HDAC5: variants seen among roughly 807,000 people sequenced by gnomAD.
The protein encoded by HDAC5 is histone deacetylase 5, also known as antigen NY-CO-9.
A neutral mutation model predicts 133.3 loss-of-function variants in HDAC5; 25 were observed. That is an observed-to-expected ratio of 0.19 (90% CI 0.14 to 0.26). The LOEUF is 0.26. Ranked by LOEUF, HDAC5 falls within the 10% of genes least tolerant of loss-of-function variation. The pLI, the probability that HDAC5 is intolerant of heterozygous loss-of-function variation, is 1.00. For missense variants in HDAC5, 1,041 were observed against 1,460.5 expected (o/e 0.71, Z 4.68); for synonymous variants, 589 against 610.8 (o/e 0.96, Z 0.53).
chr17:44,082,592 A>G lies in HDAC5; in HGVS notation c.2600T>C (p.Val867Ala). 6.2e-7 allele frequency: 1 copy of G among 1,613,512 alleles called. No individual in the cohort carries two copies. Among genetic ancestry groups the G allele is most frequent in the Non-Finnish European group, 8.5e-7 (1 of 1,179,418 alleles). The change falls in exon 20 of 27, where the codon GTG becomes GCG. Residue 867 changes from valine to alanine, a missense_variant. Transcript: ENST00000682912. ...CACCAGCTCACTGCCTACCCAGTCC[A>G]CGATGAGGACCTTGCCCACGTTCAA... ...QKLNVGKVLI[V>A]DWDIHHGNGT...
intron 1 of HDAC5, among the ~76,000 whole-genome samples, chr17:44,122,325 G>A (rs1939047981): frequency 6.6e-6 from 1 of 152,034 alleles, no homozygotes; most frequent in Admixed American, 6.6e-5. Context: ...AATCTGGCTA[G>A]GGGTCCCTCT....
At chr17:44,088,225 C>T (rs1206869926) in intron 12 of HDAC5, among the ~76,000 whole-genome samples, 162 bp downstream of exon 12, 1 of 152,178 alleles carries the variant, frequency 6.6e-6, no homozygotes, top group Non-Finnish European at 1.5e-5. Context: ...GTTGGCCAGG[C>T]TGGTCTCGAA....
At position 44,087,594 on chromosome 17, in the gene HDAC5, C is replaced by A. The variant is rs771064782; in HGVS notation, c.1702G>T (p.Ala568Ser). The A allele has an allele frequency of 2.5e-6, 4 of 1,614,104 alleles. 1 individual carries two copies. In the South Asian group the frequency reaches 4.4e-5, roughly 18 times the overall value. The change falls in exon 13 of 27, where the codon GCC becomes TCC. Residue 568 changes from alanine to serine, a missense_variant. Ala to Ser is a moderately conservative substitution (Grantham distance 99). Around this residue, in one of 9 missense-constraint regions of HDAC5, gnomAD observed 433 missense variants for 531.6 expected, o/e 0.81. Transcript: ENST00000682912. ...EQQEVLLGEG[A>S]LTMPREGSTE... ...GAGCCCTCCCGGGGCATGGTCAGGG[C>A]TCCCTCCCCCAGCAAGACCTCCTGC...
Position 44,093,695 on chromosome 17 carries a change from C to T in HDAC5, c.234G>A (p.Gln78=), listed in dbSNP as rs536845777. The change falls in exon 4 of 27, where the codon CAG becomes CAA. Residue 78 remains glutamine (Q), a synonymous_variant. Transcript: ENST00000682912. ...DPTLREQQLQ[Q]ELLALKQQQQ... The stretch of plus-strand genomic sequence containing the variant: ...GCTGCTGCTTGAGCGCCAGGAGCTC[C>T]TGCTGCAGTTGCTGCTCCCGCAGTG... The T allele has an allele frequency of 1.2e-6, 2 of 1,608,232 alleles. No homozygotes were observed. Among genetic ancestry groups the T allele is most frequent in the South Asian group, 1.1e-5 (1 of 90,180 alleles).
chr17:44,098,564 C>T (rs1312592845), intron 3 of HDAC5, among the ~76,000 whole-genome samples: 2 of 151,112 alleles, frequency 1.3e-5, no homozygotes, highest in African/African-American at 4.9e-5. Flanking sequence ...CATGGCAAAA[C>T]CCCATCTCTA....
At chr17:44,086,823 C>T (rs922971222) in intron 13 of HDAC5, 86 bp from the exon 14 acceptor site, 47 of 992,886 alleles carry the variant, frequency 4.7e-5, no homozygotes, top group Non-Finnish European at 5.7e-5. Context: ...CCAGTGGGGC[C>T]CCAATCCAGC....
rs1198117161 is a variant in HDAC5 at position 44,117,750 on chromosome 17, TGA to T, written c.-189-48_-189-47del. The T allele has an allele frequency of 1.8e-5, 11 of 600,160 alleles. No individual in the cohort carries two copies. The highest frequency in any genetic ancestry group is 3.0e-5 in the Non-Finnish European group (10 of 335,036). 37.2% of individuals were successfully genotyped at this position (600,160 alleles called of 1,614,324 possible). A position where few individuals can be genotyped will look rare whatever the true frequency, so the allele number is the denominator to read the frequency against. On this transcript the variant is annotated intron_variant, in intron 1 of 26. Transcript: ENST00000682912. This position sits in a 1 kb window ranked among gnomAD's most constrained non-coding sequence, Gnocchi z 4.2. ...GTTAGAGGCCCCTAACTCAGGAATCTGAGAGTCGAAGGAGACCTTGGAGCTCA... is the reference window on the plus strand; with the variant it reads ...GTTAGAGGCCCCTAACTCAGGAATCTGAGTCGAAGGAGACCTTGGAGCTCA...
In HDAC5 at chr17:44,088,333, C is replaced by T. The variant is rs933325858; in HGVS notation, c.1599+54G>A. The T allele has an allele frequency of 7.2e-6, 11 of 1,527,584 alleles. No homozygotes were observed. In the Middle Eastern group the frequency reaches 1.2e-3, roughly 161 times the overall value. The allele number at this position is 1,527,584 out of a possible 1,614,324, so 94.6% of individuals were successfully genotyped here. A position where few individuals can be genotyped will look rare whatever the true frequency, so the allele number is the denominator to read the frequency against. On this transcript the variant is annotated intron_variant, in intron 12 of 26. Transcript: ENST00000682912. ...AGGACTTTTCTGCCAGCCTGGTACT[C>T]TCCTGTGTCCTGCCCCCACCACAGC...
chr17:44,110,667 G>T, intron 3 of HDAC5, 62 bp downstream of exon 3: 1 of 1,345,840 alleles, frequency 7.4e-7, no homozygotes, highest in Non-Finnish European at 1.1e-6. Context: ...AGGGCCAGAT[G>T]CTCAGCCCAG....
rs7220923 is a variant in HDAC5, at chr17:44,114,442, G to T, written c.22+3052C>A. 2.7e-3 allele frequency among the ~76,000 whole-genome samples: 408 copies of T among 152,104 alleles called. 1 individual carries two copies. The highest frequency in any genetic ancestry group is 7.8e-3 in the African/African-American group (324 of 41,540). ...GGTCACCCAGAGAGCAGGCGTGGGGGGGGGGGGCTGCTGCCCTCCATCCTG... is the reference window on the plus strand; with the variant it reads ...GGTCACCCAGAGAGCAGGCGTGGGGTGGGGGGGCTGCTGCCCTCCATCCTG... On this transcript the variant is annotated intron_variant, in intron 2 of 26. Coordinates refer to ENST00000682912, the MANE Select transcript of HDAC5 (RefSeq NM_005474.5).
intron 1 of HDAC5, among the ~76,000 whole-genome samples, chr17:44,118,013 T>A (rs2052754884): frequency 6.6e-6 from 1 of 152,192 alleles, no homozygotes; most frequent in Non-Finnish European, 1.5e-5. Context: ...GCCATGGGAC[T>A]AGGTGTGCAC....
intron 3 of HDAC5, among the ~76,000 whole-genome samples, chr17:44,100,585 A>T (rs1197031743): frequency 7.1e-6 from 1 of 140,612 alleles, no homozygotes; most frequent in South Asian, 2.1e-4. Context: ...ATACAAAAAA[A>T]AAAAAAAAAA....
In HDAC5 at chr17:44,117,162, G is replaced by C. The variant is rs981370721; in HGVS notation, c.22+332C>G. 1.3e-5 allele frequency among the ~76,000 whole-genome samples: 2 copies of C among 152,220 alleles called. No individual in the cohort carries two copies. Among genetic ancestry groups the C allele is most frequent in the Non-Finnish European group, 2.9e-5 (2 of 68,038 alleles). ...CTCCAACATCATCCCAGACTGCCCA[G>C]AGAGATTAAGGGATACACACTGCCC... On this transcript the variant is annotated intron_variant, in intron 2 of 26. Coordinates refer to ENST00000682912, the MANE Select transcript of HDAC5 (RefSeq NM_005474.5). The surrounding 1 kb of genome is among the most constrained non-coding windows in gnomAD (Gnocchi z 4.2).
At chr17:44,109,031 G>A (rs1348434881) in intron 3 of HDAC5, among the ~76,000 whole-genome samples, 1 of 152,156 alleles carries the variant, frequency 6.6e-6, no homozygotes, top group East Asian at 1.9e-4. Context: ...GCTTAGGGAG[G>A]AGATGAGAGA....
intron 3 of HDAC5, among the ~76,000 whole-genome samples, chr17:44,107,656 T>C (rs1017061239): frequency 1.3e-5 from 2 of 149,840 alleles, no homozygotes; most frequent in African/African-American, 4.9e-5. Context: ...GATAGCCTTG[T>C]CACTCAGTGC....
chr17:44,112,742 G>C (rs1345731990), intron 2 of HDAC5, among the ~76,000 whole-genome samples: 1 of 152,224 alleles, frequency 6.6e-6, no homozygotes, highest in East Asian at 1.9e-4. Flanking sequence ...CCTATAGGCA[G>C]AGGCAGGCTT....
At chr17:44,121,437 C>T (rs1042669937) in intron 1 of HDAC5, among the ~76,000 whole-genome samples, 3 of 132,704 alleles carry the variant, frequency 2.3e-5, no homozygotes, top group Non-Finnish European at 4.8e-5. Flanking sequence ...CTCCCCCTTC[C>T]CCCCCCTACT....
chr17:44,117,394 C>T lies in HDAC5; in HGVS notation c.22+100G>A. On this transcript the variant is annotated intron_variant, in intron 2 of 26. Transcript: ENST00000682912. The surrounding 1 kb of genome is among the most constrained non-coding windows in gnomAD (Gnocchi z 4.2). ...TCCTTACCCCCTCATTCCCTTATAG[C>T]TCAGACAGTAAAGGTCAGCTGGCCT... 1.5e-6 allele frequency: 2 copies of T among 1,301,376 alleles called. No homozygotes were observed. The highest frequency in any genetic ancestry group is 2.2e-6 in the Non-Finnish European group (2 of 894,798). The allele number at this position is 1,301,376 out of a possible 1,614,324, so 80.6% of individuals were successfully genotyped here. A position where few individuals can be genotyped will look rare whatever the true frequency, so the allele number is the denominator to read the frequency against.
chr17:44,111,242 C>T (rs940785156), intron 2 of HDAC5: 12 of 289,504 alleles, frequency 4.1e-5, no homozygotes, highest in Non-Finnish European at 8.4e-5. Context: ...GAGCCGCCGC[C>T]GGCAGCTGGC....
Sources: allele counts gnomAD v4.1 joint callset (sites outside exome capture counted in the v4.1 genomes callset), GRCh38; gene constraint gnomAD v4.1.1; regional missense constraint gnomAD v4.1.1; non-coding constraint Gnocchi (gnomAD v3.1); transcripts MANE v1.5; gene names NCBI Gene and HGNC (gene_info 2026-07-23, HGNC 2026-07-21).